SLC24A2: variants seen among roughly 807,000 people sequenced by gnomAD.
The protein encoded by SLC24A2 is solute carrier family 24 member 2, also known as sodium/potassium/calcium exchanger 2.
Under a neutral mutation model 62.0 loss-of-function variants are expected in SLC24A2, and 36 were observed. The ratio of observed to expected loss-of-function variants is 0.58; its 90% CI spans 0.44 to 0.77. The LOEUF (loss-of-function observed/expected upper bound fraction) is 0.77, where lower values mean the gene tolerates loss of function less well. Ranked by LOEUF, SLC24A2 falls within the 30% of genes least tolerant of loss-of-function variation. The probability of loss-of-function intolerance (pLI) is 0.00; values close to 1 mark genes in which losing one functional copy is unlikely to be tolerated. For missense variants in SLC24A2, 846 were observed against 817.9 expected, an observed-to-expected ratio of 1.03 and a Z score of -0.42; for synonymous variants, 358 against 294.0, an observed-to-expected ratio of 1.22 and a Z score of -2.23.
the SLC24A2 span, among the ~76,000 whole-genome samples, chr9:20,014,854 A>G: frequency 1.3e-5 from 2 of 152,188 alleles, no homozygotes; most frequent in African/African-American, 4.8e-5. Flanking sequence ...TATGTATTAT[A>G]TATTTCAAAA....
chr9:19,947,160 C>A, the SLC24A2 span, among the ~76,000 whole-genome samples: 1 of 152,160 alleles, frequency 6.6e-6, no homozygotes, highest in Non-Finnish European at 1.5e-5. Context: ...GCCAGACCAA[C>A]TGAGCCTGCA....
the SLC24A2 span, among the ~76,000 whole-genome samples, chr9:19,816,610 T>C: frequency 6.6e-6 from 1 of 152,084 alleles, no homozygotes; most frequent in Non-Finnish European, 1.5e-5. Context: ...GCAGGCTATA[T>C]AGGAAGCATA....
chr9:20,046,771 C>T, the SLC24A2 span, among the ~76,000 whole-genome samples: 2 of 152,268 alleles, frequency 1.3e-5, no homozygotes, highest in Non-Finnish European at 2.9e-5. Context: ...TTCCTTTATC[C>T]CCAGAGAATC....
chr9:19,580,171 A>G lies in SLC24A2; in HGVS notation c.1130-3149T>C, dbSNP rs146951312. 9.1e-4 allele frequency among the ~76,000 whole-genome samples: 139 copies of G among 152,342 alleles called. 1 individual carries two copies. The highest frequency in any genetic ancestry group is 3.2e-3 in the African/African-American group (132 of 41,584). On this transcript the variant is annotated intron_variant, in intron 5 of 10. Transcript: ENST00000341998. ...GCTGCTTGGGAGCTGTCTTCTCCAC[A>G]GACCTCTTCAACTTCTGCAACTCAA...
At chr9:19,737,652 C>A (rs1053374512) in intron 2 of SLC24A2, among the ~76,000 whole-genome samples, 2 of 151,698 alleles carry the variant, frequency 1.3e-5, no homozygotes, top group Admixed American at 6.6e-5. Flanking sequence ...TCTAGAATAT[C>A]AAAAAATTAT....
Position 19,631,952 on chromosome 9 carries a change from A to G in SLC24A2, c.931-9653T>C, listed in dbSNP as rs77549779. On this transcript the variant is annotated intron_variant, in intron 2 of 10. Coordinates refer to ENST00000341998, the MANE Select transcript of SLC24A2 (RefSeq NM_020344.4). ...GGGGTCCTCTGTTTTGGCTGGTGAA[A>G]GGGTTGAATGGAATAGGCCCACCAT... 4.0e-3 allele frequency among the ~76,000 whole-genome samples: 612 copies of G among 152,244 alleles called. 3 individuals carry two copies. Among genetic ancestry groups the G allele is most frequent in the Non-Finnish European group, 6.3e-3 (429 of 68,006 alleles).
the SLC24A2 span, among the ~76,000 whole-genome samples, chr9:19,911,675 A>G: frequency 6.6e-6 from 1 of 152,158 alleles, no homozygotes; most frequent in African/African-American, 2.4e-5. Context: ...CTAAAGTGTC[A>G]TTGAATATCC....
chr9:20,104,005 G>T, the SLC24A2 span, among the ~76,000 whole-genome samples: 1 of 152,190 alleles, frequency 6.6e-6, no homozygotes, highest in Non-Finnish European at 1.5e-5. Flanking sequence ...AGTGCTTAAA[G>T]GAGCTGATGG....
At chr9:19,865,209 C>T in the SLC24A2 span, among the ~76,000 whole-genome samples, 7 of 152,116 alleles carry the variant, frequency 4.6e-5, no homozygotes, top group East Asian at 1.2e-3. Context: ...GAAAGGTATT[C>T]CATGTTCATG....
the SLC24A2 span, among the ~76,000 whole-genome samples, chr9:20,025,552 G>A: frequency 2.0e-5 from 3 of 152,144 alleles, no homozygotes; most frequent in Admixed American, 2.0e-4. Flanking sequence ...ATGACCATAA[G>A]AATGATGATT....
chr9:19,581,915 C>G (rs753069084), intron 5 of SLC24A2, among the ~76,000 whole-genome samples: 12 of 152,152 alleles, frequency 7.9e-5, no homozygotes, highest in Non-Finnish European at 1.3e-4. Flanking sequence ...CTTGTGGTCT[C>G]TTGTGGTCTA....
the SLC24A2 span, among the ~76,000 whole-genome samples, chr9:19,910,424 A>G: frequency 6.6e-6 from 1 of 152,094 alleles, no homozygotes; most frequent in South Asian, 2.1e-4. Context: ...TTTTAGCTCC[A>G]TTAAATCCAC....
At chr9:19,973,052 G>T in the SLC24A2 span, among the ~76,000 whole-genome samples, 2 of 152,118 alleles carry the variant, frequency 1.3e-5, no homozygotes, top group Non-Finnish European at 2.9e-5. Flanking sequence ...AAAAACCAAA[G>T]GGAAGCCAGG....
the SLC24A2 span, among the ~76,000 whole-genome samples, chr9:20,284,134 G>A: frequency 6.6e-6 from 1 of 152,140 alleles, no homozygotes; most frequent in Non-Finnish European, 1.5e-5. Context: ...TTTCTAGTGG[G>A]TGGGGGAGAG....
chr9:20,116,699 G>T, the SLC24A2 span, among the ~76,000 whole-genome samples: 158 of 152,208 alleles, frequency 1.0e-3, no homozygotes, highest in African/African-American at 3.7e-3. Context: ...GCATACTTAT[G>T]GAATGTGTAT....
chr9:19,553,436 G>GAT (rs1313741589), intron 7 of SLC24A2, among the ~76,000 whole-genome samples: 1 of 152,210 alleles, frequency 6.6e-6, no homozygotes, highest in East Asian at 1.9e-4. Context: ...AATGGCTTTT[G>GAT]ATATGAGGGC....
At chr9:19,961,051 TGA>T in the SLC24A2 span, among the ~76,000 whole-genome samples, 45 of 134,996 alleles carry the variant, frequency 3.3e-4, 1 homozygote, top group South Asian at 6.6e-3. Flanking sequence ...TGTGTGTGTG[TGA>T]GTGAGAGAAA....
chr9:20,138,649 C>G, the SLC24A2 span, among the ~76,000 whole-genome samples: 1 of 152,214 alleles, frequency 6.6e-6, no homozygotes, highest in East Asian at 1.9e-4. Flanking sequence ...ATCCCAGGAT[C>G]TCATGGAAAG....
At chr9:20,247,987 T>C in the SLC24A2 span, among the ~76,000 whole-genome samples, 1 of 152,214 alleles carries the variant, frequency 6.6e-6, no homozygotes, top group Non-Finnish European at 1.5e-5. Context: ...TCAATAAATA[T>C]TCTTGATTAT....
Sources: allele counts gnomAD v4.1 joint callset (sites outside exome capture counted in the v4.1 genomes callset), GRCh38; gene constraint gnomAD v4.1.1; transcripts MANE v1.5; gene names NCBI Gene and HGNC (gene_info 2026-07-23, HGNC 2026-07-21).